The following NCEH1 variants were observed in gnomAD, a reference collection of about 807,000 sequenced individuals.
NCEH1 encodes the protein 2-acetyl MAGE hydrolase.
A neutral mutation model predicts 25.4 loss-of-function variants in NCEH1; 9 were observed. The observed-to-expected ratio is 0.35, with a 90% confidence interval of 0.21 to 0.62. The LOEUF (loss-of-function observed/expected upper bound fraction) is 0.62, where lower values mean the gene tolerates loss of function less well. Among genes scored for constraint, NCEH1 ranks in the 20% least tolerant of loss-of-function variants. The probability of loss-of-function intolerance (pLI) is 0.72; values close to 1 mark genes in which losing one functional copy is unlikely to be tolerated. For missense variants in NCEH1, 412 were observed against 501.1 expected (o/e 0.82, Z 1.70); for synonymous variants, 200 against 199.8 (o/e 1.00, Z -0.01).
Position 172,645,678 on chromosome 3 carries a change from C to G in NCEH1, c.382G>C (p.Asp128His), listed in dbSNP as rs371527186. 14 of 1,591,080 alleles carry G rather than the reference C, an allele frequency of 8.8e-6. No homozygotes were observed. The African/African-American group carries it at 1.6e-4, about 18-fold the overall frequency. Residue 128 changes from aspartate to histidine, a missense_variant, in exon 3 of 5, where the codon GAT becomes CAT. This residue lies in a region of NCEH1 where 178 missense variants were observed against 189.2 expected (regional missense o/e 0.94). Coordinates refer to ENST00000475381, the MANE Select transcript of NCEH1 (RefSeq NM_020792.6). ...TCAGCCATTGCTGTACACAGCTCAT[C>G]ATAATACCTGATTTCTAAAAGACAC... Reference protein sequence around the residue: ...ALASAKIRYYDELCTAMAEEL... With the variant: ...ALASAKIRYYHELCTAMAEEL...
chr3:172,653,752 G>GTTTTTTTTTTTTTTTTTTTT (rs375874414), intron 1 of NCEH1, among the ~76,000 whole-genome samples: 1 of 83,838 alleles, frequency 1.2e-5, no homozygotes, highest in African/African-American at 4.2e-5. Flanking sequence ...TTGTTTTTTT[G>GTTTTTTTTTTTTTTTTTTTT]TTTTTTTGTT....
At position 172,633,568 on chromosome 3, in the gene NCEH1, G is replaced by A. The variant is rs760775228; in HGVS notation, c.1134C>T (p.His378=). Residue 378 remains histidine, a synonymous_variant, in exon 5 of 5, where the codon CAC becomes CAT. Transcript: ENST00000475381. ...GCCAGCTAGTGAAAATCATACATCC[G>A]TGAAAGCCATCCTCAAAGTGATCCA... ...VTLDHFEDGF[H]GCMIFTSWPT... is the part of the protein sequence containing the mutation. 1.2e-5 allele frequency: 19 copies of A among 1,614,014 alleles called. No individual in the cohort carries two copies. The highest frequency in any genetic ancestry group is 1.4e-5 in the Non-Finnish European group (17 of 1,179,946).
intron 1 of NCEH1, among the ~76,000 whole-genome samples, chr3:172,700,072 T>C (rs1406910381): frequency 6.6e-6 from 1 of 152,226 alleles, no homozygotes; most frequent in Non-Finnish European, 1.5e-5. Flanking sequence ...ATAGGTATTC[T>C]ACAAATGGAT....
chr3:172,637,827 T>C (rs959607164), intron 3 of NCEH1, among the ~76,000 whole-genome samples: 5 of 152,050 alleles, frequency 3.3e-5, no homozygotes, highest in African/African-American at 7.3e-5. Flanking sequence ...AGGCGGAGGT[T>C]GCAGTGAGCC....
intron 1 of NCEH1, among the ~76,000 whole-genome samples, chr3:172,706,292 T>C (rs942930121): frequency 2.6e-5 from 4 of 152,202 alleles, no homozygotes; most frequent in Admixed American, 2.0e-4. Flanking sequence ...TTTTAAATTA[T>C]ATCTTTCTGC....
At chr3:172,651,412 TCTC>T (rs1391640848) in intron 1 of NCEH1, among the ~76,000 whole-genome samples, 1 of 152,022 alleles carries the variant, frequency 6.6e-6, no homozygotes, top group Non-Finnish European at 1.5e-5. Context: ...TTCACATTAC[TCTC>T]CTCCTACCAT....
chr3:172,667,459 AAGGGAAATCACAGAAGG>A (rs1395658552), intron 1 of NCEH1, among the ~76,000 whole-genome samples: 1 of 152,218 alleles, frequency 6.6e-6, no homozygotes, highest in Non-Finnish European at 1.5e-5. Flanking sequence ...TAGGAAGTCA[AAGGGAAATCACAGAAGG>A]TGGATGACCT....
At chr3:172,682,322 G>A (rs1712427170) in intron 1 of NCEH1, among the ~76,000 whole-genome samples, 1 of 152,176 alleles carries the variant, frequency 6.6e-6, no homozygotes, top group South Asian at 2.1e-4. Flanking sequence ...ACTGTTTACT[G>A]TAAATCCTGC....
intron 1 of NCEH1, among the ~76,000 whole-genome samples, chr3:172,710,472 T>A (rs1010158046): frequency 6.6e-6 from 1 of 152,178 alleles, no homozygotes; most frequent in Non-Finnish European, 1.5e-5. Context: ...ATTTATCCTC[T>A]GCCGGTCCCT....
At chr3:172,694,396 G>C (rs1236381861) in intron 1 of NCEH1, among the ~76,000 whole-genome samples, 3 of 69,864 alleles carry the variant, frequency 4.3e-5, no homozygotes, top group Admixed American at 1.2e-4. Flanking sequence ...GTGTGTGTCT[G>C]TGTGTGTGTG....
rs767772717 is a variant in NCEH1, at chr3:172,647,892, T to C, written c.361A>G (p.Ser121Gly). 4 of 1,614,148 alleles carry C rather than the reference T, an allele frequency of 2.5e-6. No individual in the cohort carries two copies. The highest frequency in any genetic ancestry group is 3.4e-6 in the Non-Finnish European group (4 of 1,180,024). The change falls in exon 2 of 5, where the codon AGT (serine) becomes GGT (glycine). Residue 121 changes from serine to glycine, a missense_variant. This residue lies in a region of NCEH1 where 178 missense variants were observed against 189.2 expected (regional missense o/e 0.94). Transcript: ENST00000475381. ...GAAGGTGACCAGGACGCACTTGCAC[T>C]TGCCAAGGCCCAGCCTCCTCCGTGG... ...YIHGGGWALA[S>G]AKIRYYDELC... is the part of the protein sequence containing the mutation.
In NCEH1 at chr3:172,633,170, A is replaced by C; in HGVS notation, c.*305T>G. ...GAACGTCCTAATGAAGGCAGGACCC[A>C]AAGTTATTTCCAGTTCCTAGTCCTG... On this transcript the variant is annotated 3_prime_UTR_variant, in exon 5 of 5. Coordinates refer to ENST00000475381, the MANE Select transcript of NCEH1 (RefSeq NM_020792.6). The C allele has an allele frequency of 3.3e-6, 1 of 305,676 alleles. No homozygotes were observed. 18.9% of individuals were successfully genotyped at this position (305,676 alleles called of 1,614,324 possible).
intron 1 of NCEH1, among the ~76,000 whole-genome samples, chr3:172,653,035 A>G (rs1297772503): frequency 1.3e-5 from 2 of 152,064 alleles, no homozygotes; most frequent in Non-Finnish European, 2.9e-5. Context: ...GAGCTGGGAA[A>G]CTCCAGGAGA....
intron 1 of NCEH1, among the ~76,000 whole-genome samples, chr3:172,701,449 C>CTTTTTTTTT (rs10701435): frequency 0.1 from 11,088 of 110,156 alleles, 855 homozygotes; most frequent in Non-Finnish European, 0.13. Context: ...GGTCTTTTGC[C>CTTTTTTTTT]TTTTTTTTTT....
chr3:172,648,131 G>T lies in NCEH1; in HGVS notation c.139-17C>A. On this transcript the variant is annotated splice_polypyrimidine_tract_variant and intron_variant, in intron 1 of 4. Transcript: ENST00000475381. Reference sequence around the variant, plus strand: ...CAGGTTACTCTGCAGGGCGAGGGAGGAAATAAAGAGGGAGGGCGCACGTCA... The same window carrying T: ...CAGGTTACTCTGCAGGGCGAGGGAGTAAATAAAGAGGGAGGGCGCACGTCA... The T allele has an allele frequency of 6.2e-7, 1 of 1,613,580 alleles. No individual in the cohort carries two copies. The highest frequency in any genetic ancestry group is 8.5e-7 in the Non-Finnish European group (1 of 1,179,550).
chr3:172,684,041 G>T (rs1456092220), intron 1 of NCEH1, among the ~76,000 whole-genome samples: 1 of 152,148 alleles, frequency 6.6e-6, no homozygotes, highest in Non-Finnish European at 1.5e-5. Flanking sequence ...TAATGAATAA[G>T]ATTATTAAAT....
chr3:172,642,603 CAAAAA>C (rs66551744), intron 3 of NCEH1, among the ~76,000 whole-genome samples: 2 of 83,912 alleles, frequency 2.4e-5, no homozygotes, highest in Admixed American at 1.2e-4. Context: ...GCTATTTCTA[CAAAAA>C]AAAAAAAAAA....
chr3:172,644,682 A>G (rs1011366697), intron 3 of NCEH1, among the ~76,000 whole-genome samples: 1 of 152,218 alleles, frequency 6.6e-6, no homozygotes, highest in Non-Finnish European at 1.5e-5. Flanking sequence ...TTATATGAGA[A>G]TTAAGGTGCT....
rs74994090 is a variant in NCEH1 at position 172,647,318 on chromosome 3, A to G, written c.367+568T>C. Among the ~76,000 whole-genome samples, 583 of 152,348 alleles carry G rather than the reference A, an allele frequency of 3.8e-3. 4 individuals carry two copies. Among genetic ancestry groups the G allele is most frequent in the African/African-American group, 0.013 (557 of 41,586 alleles). On this transcript the variant is annotated intron_variant, in intron 2 of 4. Transcript: ENST00000475381. ...CTGCCATTTTGAATGTGTTCTACTC[A>G]TAAAAATCATCCAAATCTAAAGAAA... is the stretch of plus-strand genomic sequence containing the variant.
Sources: allele counts gnomAD v4.1 joint callset (sites outside exome capture counted in the v4.1 genomes callset), GRCh38; gene constraint gnomAD v4.1.1; regional missense constraint gnomAD v4.1.1; transcripts MANE v1.5; gene names NCBI Gene and HGNC (gene_info 2026-07-23, HGNC 2026-07-21).